The following RARB variants were observed in gnomAD, a reference collection of about 807,000 sequenced individuals.
RARB encodes HBV-activated protein.
RARB carries 17 observed loss-of-function variants against 51.9 expected under a neutral mutation model. That is an observed-to-expected ratio of 0.33 (90% CI 0.22 to 0.49). The LOEUF (loss-of-function observed/expected upper bound fraction) is 0.49. RARB is among the 20% of genes least tolerant of loss of function. The pLI, the probability that RARB is intolerant of heterozygous loss-of-function variation, is 0.99. For synonymous variants in RARB, 215 were observed against 195.4 expected (o/e 1.10, Z -0.84); for missense variants, 369 against 550.8 (o/e 0.67, Z 3.30).
At chr3:25,180,894 C>CT (rs1312130722) in intron 5 of RARB, among the ~76,000 whole-genome samples, 2 of 152,088 alleles carry the variant, frequency 1.3e-5, no homozygotes, top group South Asian at 2.1e-4. Flanking sequence ...AATTCCCTTG[C>CT]TTTTTTTTAA....
intron 2 of RARB, among the ~76,000 whole-genome samples, chr3:24,880,503 GTTC>G (rs1703138787): frequency 1.3e-5 from 2 of 152,096 alleles, no homozygotes; most frequent in South Asian, 2.1e-4. Flanking sequence ...ATACCTATTT[GTTC>G]TTCTTAATGA....
In RARB at chr3:25,078,387, G is replaced by A. The variant is rs191174403; in HGVS notation, c.-328+18211G>A. Among the ~76,000 whole-genome samples, 113 of 151,912 alleles carry A rather than the reference G, an allele frequency of 7.4e-4. 3 individuals are homozygous for A. The highest frequency in any genetic ancestry group is 3.4e-3 in the Middle Eastern group (1 of 292). On this transcript the variant is annotated intron_variant, in intron 3 of 11. Transcript: ENST00000383772. Reference sequence around the variant, plus strand: ...AGATTTTCATTTTCTTATTGTTTTGGCTCTTCCATCAATAATCAATTGACC... The same window carrying A: ...AGATTTTCATTTTCTTATTGTTTTGACTCTTCCATCAATAATCAATTGACC...
intron 2 of RARB, among the ~76,000 whole-genome samples, chr3:24,972,839 T>G (rs1696430620): frequency 6.6e-6 from 1 of 152,042 alleles, no homozygotes; most frequent in South Asian, 2.1e-4. Context: ...AAATCAAGTT[T>G]ATTTGCTACT....
chr3:25,389,877 A>T (rs1210902640), intron 5 of RARB, among the ~76,000 whole-genome samples: 1 of 152,238 alleles, frequency 6.6e-6, no homozygotes, highest in Non-Finnish European at 1.5e-5. Flanking sequence ...AAAGGGTAAT[A>T]ATATTTGAGT....
chr3:25,405,601 T>C (rs1429761592), intron 5 of RARB, among the ~76,000 whole-genome samples: 1 of 152,204 alleles, frequency 6.6e-6, no homozygotes, highest in Non-Finnish European at 1.5e-5. Context: ...ACACTCTAGA[T>C]CTGTGTTGTA....
At chr3:25,498,255 A>T (rs1293180861) in intron 2 of RARB, among the ~76,000 whole-genome samples, 3 of 152,110 alleles carry the variant, frequency 2.0e-5, no homozygotes, top group Non-Finnish European at 4.4e-5. Context: ...GTATGAGGAT[A>T]ACTGCCCCCA....
intron 5 of RARB, among the ~76,000 whole-genome samples, chr3:25,346,960 T>C (rs1009662800): frequency 3.3e-5 from 5 of 152,232 alleles, no homozygotes; most frequent in Non-Finnish European, 5.9e-5. Context: ...ATGAGTAGTC[T>C]TCCATGTAGG....
chr3:24,901,865 G>A (rs1703613508), intron 2 of RARB, among the ~76,000 whole-genome samples: 1 of 152,034 alleles, frequency 6.6e-6, no homozygotes, highest in Non-Finnish European at 1.5e-5. Flanking sequence ...ACTATACCAG[G>A]TGCTAAGCAT....
At chr3:25,229,561 T>C (rs980069438) in intron 5 of RARB, among the ~76,000 whole-genome samples, 5 of 152,116 alleles carry the variant, frequency 3.3e-5, no homozygotes, top group African/African-American at 9.7e-5. Context: ...GTATACTAGT[T>C]AAAAAATGTG....
intron 3 of RARB, among the ~76,000 whole-genome samples, chr3:25,550,368 C>A (rs757578936): frequency 2.6e-5 from 4 of 152,168 alleles, no homozygotes; most frequent in African/African-American, 7.2e-5. Context: ...TTATTTCTCC[C>A]AGTTCTGAAG....
intron 2 of RARB, among the ~76,000 whole-genome samples, chr3:25,011,904 G>A (rs1697406203): frequency 6.6e-6 from 1 of 152,052 alleles, no homozygotes; most frequent in Admixed American, 6.6e-5. Flanking sequence ...CTAAAAAAAA[G>A]AGGCACAATT....
At chr3:25,160,153 A>C (rs1700450275) in intron 4 of RARB, among the ~76,000 whole-genome samples, 1 of 152,234 alleles carries the variant, frequency 6.6e-6, no homozygotes, top group African/African-American at 2.4e-5. Flanking sequence ...AAATAGATGA[A>C]ATAGCTCTAT....
chr3:25,166,416 C>T (rs1326021024), intron 4 of RARB, among the ~76,000 whole-genome samples: 1 of 151,940 alleles, frequency 6.6e-6, no homozygotes. Context: ...TTTGAAGTGG[C>T]ATTACCTGGA....
rs149370537 is a variant in RARB at position 25,521,147 on chromosome 3, G to A, written c.448+19824G>A. 9.1e-3 allele frequency among the ~76,000 whole-genome samples: 1,392 copies of A among 152,246 alleles called. 25 individuals carry two copies. The highest frequency in any genetic ancestry group is 0.031 in the African/African-American group (1,297 of 41,536). ...CTCCCCCATCAGGCAAGGAAAGGGC[G>A]TTACCTTTCTCCTGAAGTCCACATC... On this transcript the variant is annotated intron_variant, in intron 3 of 7. Transcript: ENST00000330688.
chr3:25,222,524 C>T (rs1701969201), intron 5 of RARB, among the ~76,000 whole-genome samples: 1 of 151,870 alleles, frequency 6.6e-6, no homozygotes, highest in Admixed American at 6.6e-5. Flanking sequence ...AAAAAACTTA[C>T]ACAATGATGC....
At chr3:25,528,406 G>T (rs1361082764) in intron 3 of RARB, among the ~76,000 whole-genome samples, 2 of 152,098 alleles carry the variant, frequency 1.3e-5, no homozygotes, top group African/African-American at 4.8e-5. Context: ...CACCAAAAAA[G>T]GGTGCTGGGA....
chr3:25,445,269 C>G (rs76913742), intron 1 of RARB, among the ~76,000 whole-genome samples: 10,657 of 152,196 alleles, frequency 0.07, 468 homozygotes, highest in Middle Eastern at 0.11. Context: ...CTTTTCAAAA[C>G]AAGGTTAACA....
intron 5 of RARB, among the ~76,000 whole-genome samples, chr3:25,402,159 T>C (rs1158978945): frequency 6.6e-6 from 1 of 152,146 alleles, no homozygotes; most frequent in Non-Finnish European, 1.5e-5. Context: ...AAGCCACAAA[T>C]TTTCCAAAAT....
chr3:25,281,267 C>G (rs1703514933), intron 5 of RARB, among the ~76,000 whole-genome samples: 1 of 152,130 alleles, frequency 6.6e-6, no homozygotes, highest in African/African-American at 2.4e-5. Context: ...CACAAAGGGC[C>G]ATCTCGTCTA....
Sources: gnomAD v4.1 joint callset for allele counts (sites outside exome capture counted in the v4.1 genomes callset) on GRCh38, gnomAD v4.1.1 for gene constraint, MANE v1.5 for transcripts, NCBI Gene and HGNC (gene_info 2026-07-23, HGNC 2026-07-21) for gene names.